The following ZC3H14 variants were observed in gnomAD, a reference collection of about 807,000 sequenced individuals.
The protein encoded by ZC3H14 is zinc finger CCCH-type containing 14.
ZC3H14 carries 31 observed loss-of-function variants against 92.4 expected under a neutral mutation model. The ratio of observed to expected loss-of-function variants is 0.34; its 90% CI spans 0.25 to 0.45. The LOEUF (loss-of-function observed/expected upper bound fraction) is 0.45, where lower values mean the gene tolerates loss of function less well. Ranked by LOEUF, ZC3H14 falls within the 20% of genes least tolerant of loss-of-function variation. The probability of loss-of-function intolerance (pLI) is 1.00; values close to 1 mark genes in which losing one functional copy is unlikely to be tolerated. For synonymous variants in ZC3H14, 321 were observed against 300.9 expected (o/e 1.07, Z -0.69); for missense variants, 781 against 897.3 (o/e 0.87, Z 1.66).
In ZC3H14 at chr14:88,609,638, AAAC is replaced by A. The variant is rs746369800; in HGVS notation, c.2006-72_2006-70del. On this transcript the variant is annotated intron_variant, in intron 14 of 16. Coordinates refer to ENST00000251038, the MANE Select transcript of ZC3H14 (RefSeq NM_024824.5). Reference sequence around the variant, plus strand: ...TAAAAATGGTTTTCACTTTCAAAAAAAACATCAGTAGACTGCATTAAAAATGGG... The same window carrying A: ...TAAAAATGGTTTTCACTTTCAAAAAAATCAGTAGACTGCATTAAAAATGGG... 2.2e-5 allele frequency: 35 copies of A among 1,559,366 alleles called. No homozygotes were observed. In the African/African-American group the frequency reaches 4.8e-4, roughly 21 times the overall value.
At position 88,616,578 on chromosome 14, in the gene ZC3H14, C is replaced by T. The variant is rs1281097677; in HGVS notation, c.*4827C>T. On this transcript the variant is annotated 3_prime_UTR_variant, in exon 17 of 17. Transcript: ENST00000251038. Reference sequence around the variant, plus strand: ...GAGGGAGAGGATTTGTTTCTAATAGCTTTTATTTCAAAGTAAATAGATTTA... The same window carrying T: ...GAGGGAGAGGATTTGTTTCTAATAGTTTTTATTTCAAAGTAAATAGATTTA... 5 of 805,326 alleles carry T rather than the reference C, an allele frequency of 6.2e-6. No homozygotes were observed. Among genetic ancestry groups the T allele is most frequent in the Non-Finnish European group, 7.6e-6 (4 of 528,230 alleles). 49.9% of individuals were successfully genotyped at this position (805,326 alleles called of 1,614,324 possible). A position where few individuals can be genotyped will look rare whatever the true frequency, so the allele number is the denominator to read the frequency against.
chr14:88,574,578 T>G, intron 6 of ZC3H14, 115 bp from the exon 7 acceptor site: 2 of 1,284,224 alleles, frequency 1.6e-6, no homozygotes, highest in Non-Finnish European at 2.2e-6. Flanking sequence ...CAAGAAATAC[T>G]CTGTGAATTT....
At chr14:88,597,523 G>C (rs535652237) in intron 10 of ZC3H14, among the ~76,000 whole-genome samples, 51 of 152,266 alleles carry the variant, frequency 3.3e-4, no homozygotes, top group Non-Finnish European at 2.5e-4. Context: ...TCCACAGTCA[G>C]TCACTCTGTT....
chr14:88,569,870 T>C (rs757279628), intron 3 of ZC3H14, among the ~76,000 whole-genome samples: 10 of 152,200 alleles, frequency 6.6e-5, no homozygotes, highest in Non-Finnish European at 1.0e-4. Context: ...TCATCAGTTG[T>C]TATGATACAC....
intron 9 of ZC3H14, among the ~76,000 whole-genome samples, chr14:88,595,418 AATGTCTCATTCTTTCATC>A (rs1467388997): frequency 5.9e-5 from 9 of 152,190 alleles, no homozygotes; most frequent in Non-Finnish European, 1.3e-4. Context: ...ATTATTTTAA[AATGTCTCATTCTTTCATC>A]ATGTACTGTT....
intron 9 of ZC3H14, chr14:88,592,490 CCTTTTTTTTT>C (rs1346849419): frequency 1.8e-4 from 21 of 115,984 alleles, no homozygotes; most frequent in Admixed American, 5.3e-4. Flanking sequence ...TATAAGGATT[CCTTTTTTTTT>C]TTTTTTTTTT....
At chr14:88,571,980 TAAAA>T in intron 4 of ZC3H14, 46 bp from the exon 5 acceptor site, 1 of 1,378,456 alleles carries the variant, frequency 7.3e-7, no homozygotes, top group Non-Finnish European at 9.7e-7. Flanking sequence ...AATAAATAAA[TAAAA>T]ATAAGAAATA....
intron 12 of ZC3H14, among the ~76,000 whole-genome samples, 189 bp downstream of exon 12, chr14:88,603,249 T>G (rs2084894830): frequency 6.6e-6 from 1 of 152,224 alleles, no homozygotes; most frequent in Non-Finnish European, 1.5e-5. Flanking sequence ...TTTTCATAGG[T>G]GGGCTGTTAC....
At chr14:88,570,553 G>A (rs1428759046) in intron 3 of ZC3H14, among the ~76,000 whole-genome samples, 1 of 152,072 alleles carries the variant, frequency 6.6e-6, no homozygotes, top group Admixed American at 6.6e-5. Context: ...TTAAATGGTG[G>A]TAATAATAAG....
chr14:88,625,247 G>T lies in ZC3H14; in HGVS notation c.*13496G>T. On this transcript the variant is annotated 3_prime_UTR_variant, in exon 17 of 17. Coordinates refer to ENST00000251038, the MANE Select transcript of ZC3H14 (RefSeq NM_024824.5). ...CCTTGATACAAAGAGCATGCATCGTGTAGTGGCAGCAGCACTGAATTCACG... is the reference window on the plus strand; with the variant it reads ...CCTTGATACAAAGAGCATGCATCGTTTAGTGGCAGCAGCACTGAATTCACG... 1 of 1,179,812 alleles carries T rather than the reference G, an allele frequency of 8.5e-7. No individual in the cohort carries two copies. Among genetic ancestry groups the T allele is most frequent in the Non-Finnish European group, 1.2e-6 (1 of 852,880 alleles). The allele number at this position is 1,179,812 out of a possible 1,614,324, so 73.1% of individuals were successfully genotyped here.
At chr14:88,596,628 C>CT (rs1333715421) in intron 9 of ZC3H14, 106 bp from the exon 10 acceptor site, 12 of 918,314 alleles carry the variant, frequency 1.3e-5, no homozygotes, top group Non-Finnish European at 2.0e-5. Context: ...CTTTAAGTTA[C>CT]TTTTAAGACT....
At chr14:88,572,459 A>C in intron 5 of ZC3H14, 119 bp from the exon 6 acceptor site, 1 of 1,306,282 alleles carries the variant, frequency 7.7e-7, no homozygotes, top group South Asian at 1.3e-5. Context: ...TTTGAATGGA[A>C]TATGTAAAGG....
At chr14:88,574,607 G>GT (rs2080923375) in intron 6 of ZC3H14, 86 bp from the exon 7 acceptor site, 1 of 1,529,782 alleles carries the variant, frequency 6.5e-7, no homozygotes, top group Non-Finnish European at 9.0e-7. Context: ...ACTGTGTACT[G>GT]TTTTTTTCTT....
At chr14:88,563,246 G>A in intron 1 of ZC3H14, 77 bp downstream of exon 1, 1 of 1,555,132 alleles carries the variant, frequency 6.4e-7, no homozygotes, top group South Asian at 1.2e-5. Flanking sequence ...GGGGACTGTG[G>A]GCCCGGGTGG....
Position 88,617,418 on chromosome 14 carries a change from A to G in ZC3H14, c.*5667A>G, listed in dbSNP as rs1014247620. The G allele has an allele frequency of 3.3e-5, 5 of 152,544 alleles. No individual in the cohort carries two copies. The highest frequency in any genetic ancestry group is 1.2e-4 in the African/African-American group (5 of 41,410). The allele number at this position is 152,544 out of a possible 1,614,324, so 9.4% of individuals were successfully genotyped here. A position where few individuals can be genotyped will look rare whatever the true frequency, so the allele number is the denominator to read the frequency against. ...CCGCTCGGCCTCCCAAAGTGCTGGG[A>G]TTACAGGCTGAGCCACCGCGCCTGA... On this transcript the variant is annotated 3_prime_UTR_variant, in exon 17 of 17. Transcript: ENST00000251038.
intron 2 of ZC3H14, among the ~76,000 whole-genome samples, chr14:88,564,329 G>A (rs2079282701): frequency 6.6e-6 from 1 of 152,136 alleles, no homozygotes; most frequent in Non-Finnish European, 1.5e-5. Context: ...GTCAGGTACT[G>A]TGCTTAACTA....
chr14:88,593,087 C>T (rs2083362923), intron 9 of ZC3H14, among the ~76,000 whole-genome samples: 1 of 151,796 alleles, frequency 6.6e-6, no homozygotes, highest in Admixed American at 6.6e-5. Flanking sequence ...CCTGCCTCAG[C>T]CTCCTGAGTA....
At chr14:88,578,781 G>GTTTGT (rs2081503425) in intron 9 of ZC3H14, among the ~76,000 whole-genome samples, 1 of 76,816 alleles carries the variant, frequency 1.3e-5, no homozygotes, top group South Asian at 6.0e-4. Flanking sequence ...TTGCTTCCAG[G>GTTTGT]TTTTTTTTTT....
intron 9 of ZC3H14, among the ~76,000 whole-genome samples, chr14:88,578,781 G>GT (rs35101368): frequency 0.19 from 14,837 of 76,280 alleles, 996 homozygotes; most frequent in Non-Finnish European, 0.22. Context: ...TTGCTTCCAG[G>GT]TTTTTTTTTT....
Sources: allele counts gnomAD v4.1 joint callset (sites outside exome capture counted in the v4.1 genomes callset), GRCh38; gene constraint gnomAD v4.1.1; transcripts MANE v1.5; gene names NCBI Gene and HGNC (gene_info 2026-07-23, HGNC 2026-07-21).